The following SMG1 variants were observed in gnomAD, a reference collection of about 807,000 sequenced individuals.
SMG1 encodes the protein serine/threonine-protein kinase SMG1.
A neutral mutation model predicts 419.9 loss-of-function variants in SMG1; 22 were observed. The observed-to-expected ratio is 0.05, with a 90% CI of 0.04 to 0.07. The LOEUF is 0.07. Ranked by LOEUF, SMG1 falls within the 10% of genes least tolerant of loss-of-function variation. The pLI, the probability that SMG1 is intolerant of heterozygous loss-of-function variation, is 1.00. For missense variants in SMG1, 3,185 were observed against 4,342.0 expected (o/e 0.73, Z 7.49); for synonymous variants, 1,538 against 1,553.5 (o/e 0.99, Z 0.23).
At chr16:18,922,837 T>C (rs1168090819) in intron 1 of SMG1, among the ~76,000 whole-genome samples, 5 of 151,966 alleles carry the variant, frequency 3.3e-5, no homozygotes, top group African/African-American at 7.2e-5. Context: ...CTCAACACTT[T>C]GGGAGACTGA....
chr16:18,876,136 G>T lies in SMG1; in HGVS notation c.1878C>A (p.Asn626Lys). The change falls in exon 13 of 63, where the codon AAC (asparagine) becomes AAA (lysine). Residue 626 changes from asparagine to lysine, a missense_variant. Coordinates refer to ENST00000446231, the MANE Select transcript of SMG1 (RefSeq NM_015092.5). Reference protein sequence around the residue: ...SALTTIGNAKNSLIGMWALSP... With the variant: ...SALTTIGNAKKSLIGMWALSP... ...ATTAAAGACTCACCCCTATTAGTGAGTTTTTGGCATTTCCAATTGTAGTCA... is the reference window on the plus strand; with the variant it reads ...ATTAAAGACTCACCCCTATTAGTGATTTTTTGGCATTTCCAATTGTAGTCA... 6.2e-7 allele frequency: 1 copy of T among 1,611,790 alleles called. No homozygotes were observed. The highest frequency in any genetic ancestry group is 8.5e-7 in the Non-Finnish European group (1 of 1,179,686).
rs2033579556 is a variant in SMG1, at chr16:18,836,449, C to G, written c.7688G>C (p.Trp2563Ser). The change falls in exon 47 of 63, where the codon TGG becomes TCG. Residue 2563 changes from tryptophan (W) to serine (S), a missense_variant. Trp to Ser is a radical substitution (Grantham distance 177, BLOSUM62 -3). Coordinates refer to ENST00000446231, the MANE Select transcript of SMG1 (RefSeq NM_015092.5). ...GAATGCAGCCTGATAATGTGTTATC[C>G]ATTGTTCAAATTCATTCAGCTTCAC... is the stretch of plus-strand genomic sequence containing the variant. Reference protein sequence around the residue: ...IQVKLNEFEQWITHYQAAFNN... With the variant: ...IQVKLNEFEQSITHYQAAFNN... The G allele has an allele frequency of 6.2e-7, 1 of 1,614,014 alleles. No individual in the cohort carries two copies. The highest frequency in any genetic ancestry group is 8.5e-7 in the Non-Finnish European group (1 of 1,179,904).
At position 18,926,185 on chromosome 16, in the gene SMG1, G is replaced by A. The variant is rs1422492214; in HGVS notation, c.-144C>T. ...AGGAGGAGGAGGAGGAGGAGGAGAA[G>A]GAGGAGGCGGCGGAGGGCGGGGGAA... is the stretch of plus-strand genomic sequence containing the variant. On this transcript the variant is annotated 5_prime_UTR_variant, in exon 1 of 63. Transcript: ENST00000446231. 23 of 704,442 alleles carry A rather than the reference G, an allele frequency of 3.3e-5. No individual in the cohort carries two copies. Among genetic ancestry groups the A allele is most frequent in the Admixed American group, 3.3e-5 (1 of 30,188 alleles). The allele number at this position is 704,442 out of a possible 1,614,324, so 43.6% of individuals were successfully genotyped here.
In SMG1 at chr16:18,867,699, TC is replaced by T. The variant is rs376998946; in HGVS notation, c.3195+490del. 4.9e-3 allele frequency among the ~76,000 whole-genome samples: 618 copies of T among 126,370 alleles called. 13 individuals carry two copies. The highest frequency in any genetic ancestry group is 6.4e-3 in the African/African-American group (219 of 34,220). The allele number at this position is 126,370 out of a possible 152,430, so 82.9% of individuals were successfully genotyped here. ...CAAAAACATGAACATTATTTTAACT[TC>T]TTTTTTTTTTTTTTTTTTTTTTTTC... On this transcript the variant is annotated intron_variant, in intron 22 of 62. Transcript: ENST00000446231.
At chr16:18,867,124 T>G (rs2035554356) in intron 22 of SMG1, among the ~76,000 whole-genome samples, 1 of 152,226 alleles carries the variant, frequency 6.6e-6, no homozygotes, top group Non-Finnish European at 1.5e-5. Context: ...TGTGTTTGAA[T>G]ACTGCTTGAC....
chr16:18,887,613 C>T (rs1405417870), intron 6 of SMG1, among the ~76,000 whole-genome samples: 40 of 134,382 alleles, frequency 3.0e-4, no homozygotes, highest in African/African-American at 1.1e-3. Flanking sequence ...CTCAGCCTCC[C>T]ACAGTGCTGG....
intron 25 of SMG1, among the ~76,000 whole-genome samples, chr16:18,863,093 T>A (rs1213263644): frequency 6.6e-6 from 1 of 152,236 alleles, no homozygotes; most frequent in Non-Finnish European, 1.5e-5. Context: ...TAGTACATGC[T>A]CAGTGAAGCA....
intron 40 of SMG1, 116 bp downstream of exon 40, chr16:18,842,092 A>C (rs1392407692): frequency 8.6e-7 from 1 of 1,165,138 alleles, no homozygotes; most frequent in African/African-American, 1.6e-5. Flanking sequence ...CTGCAGGCTA[A>C]TAATGACATA....
At chr16:18,863,336 A>G (rs1481247906) in intron 25 of SMG1, among the ~76,000 whole-genome samples, 1 of 152,366 alleles carries the variant, frequency 6.6e-6, no homozygotes, top group Middle Eastern at 3.4e-3. Flanking sequence ...GCCATCAAAC[A>G]TGATTCTTTC....
chr16:18,897,917 A>G (rs2037199619), intron 1 of SMG1, among the ~76,000 whole-genome samples: 1 of 152,126 alleles, frequency 6.6e-6, no homozygotes, highest in Non-Finnish European at 1.5e-5. Flanking sequence ...AAAAAAAGAA[A>G]ATCACTTCTA....
intron 51 of SMG1, among the ~76,000 whole-genome samples, 157 bp from the exon 52 acceptor site, chr16:18,830,526 C>T (rs1369697546): frequency 6.6e-6 from 1 of 152,140 alleles, no homozygotes; most frequent in Non-Finnish European, 1.5e-5. Flanking sequence ...CGGTGGCTCA[C>T]GCCTGTAATC....
intron 6 of SMG1, among the ~76,000 whole-genome samples, chr16:18,889,099 C>G (rs2036769974): frequency 6.6e-6 from 1 of 152,202 alleles, no homozygotes. Context: ...GCTGGGATTA[C>G]AGGCGTGAGC....
At chr16:18,922,802 G>C (rs1274418041) in intron 1 of SMG1, among the ~76,000 whole-genome samples, 14 of 151,912 alleles carry the variant, frequency 9.2e-5, no homozygotes, top group Admixed American at 8.5e-4. Flanking sequence ...CTTAAATGTC[G>C]GGTGCGGTGG....
intron 1 of SMG1, among the ~76,000 whole-genome samples, chr16:18,914,596 A>C (rs1434708773): frequency 1.3e-5 from 2 of 152,122 alleles, no homozygotes; most frequent in Non-Finnish European, 2.9e-5. Context: ...AGGTAGGAGA[A>C]TCACTTGAAC....
intron 11 of SMG1, chr16:18,878,117 A>C (rs1335357912): frequency 6.6e-6 from 1 of 152,182 alleles, no homozygotes; most frequent in Non-Finnish European, 1.5e-5. Context: ...AAATTAAAGG[A>C]GGCCAGCCGG....
rs2038397135 is a variant in SMG1 at position 18,926,140 on chromosome 16, T to A, written c.-99A>T. 12 of 1,107,432 alleles carry A rather than the reference T, an allele frequency of 1.1e-5. No homozygotes were observed. Among genetic ancestry groups the A allele is most frequent in the Non-Finnish European group, 1.5e-5 (12 of 805,538 alleles). 68.6% of individuals were successfully genotyped at this position (1,107,432 alleles called of 1,614,324 possible). A position where few individuals can be genotyped will look rare whatever the true frequency, so the allele number is the denominator to read the frequency against. ...CCGACACCCCGCTCCGGCCCGGGGC[T>A]GAGGAGGAAGCCGAGAAGGAGGAGG... is the stretch of plus-strand genomic sequence containing the variant. On this transcript the variant is annotated 5_prime_UTR_variant, in exon 1 of 63. Coordinates refer to ENST00000446231, the MANE Select transcript of SMG1 (RefSeq NM_015092.5).
Position 18,885,658 on chromosome 16 carries a change from C to A in SMG1, c.831G>T (p.Met277Ile). 1.9e-6 allele frequency: 3 copies of A among 1,595,974 alleles called. No individual in the cohort carries two copies. The highest frequency in any genetic ancestry group is 2.2e-5 in the South Asian group (2 of 90,952). The change falls in exon 7 of 63, where the codon ATG (methionine) becomes ATT (isoleucine). Residue 277 changes from methionine to isoleucine, a missense_variant. By Grantham distance (10) the Met-to-Ile change is conservative. Transcript: ENST00000446231. ...TTTCAAGAATAGACTGCAGGCTGGT[C>A]ATTACAAGCTTAAAAATAAAAAGTT... ...KAFSSVMQLV[M>I]TSLQSILENV...
At chr16:18,884,506 C>T (rs2036537158) in intron 8 of SMG1, among the ~76,000 whole-genome samples, 1 of 152,172 alleles carries the variant, frequency 6.6e-6, no homozygotes, top group African/African-American at 2.4e-5. Context: ...AGGGCCACAT[C>T]TAACCATTAA....
chr16:18,906,667 A>G (rs2037576329), intron 1 of SMG1, among the ~76,000 whole-genome samples: 1 of 152,192 alleles, frequency 6.6e-6, no homozygotes, highest in African/African-American at 2.4e-5. Context: ...ACATATAAAA[A>G]GGAAAAACTC....
Sources: allele counts gnomAD v4.1 joint callset (sites outside exome capture counted in the v4.1 genomes callset), GRCh38; gene constraint gnomAD v4.1.1; transcripts MANE v1.5; gene names NCBI Gene and HGNC (gene_info 2026-07-23, HGNC 2026-07-21).